GABBR2: variants seen among roughly 807,000 people sequenced by gnomAD.
GABBR2 encodes G-protein coupled receptor 51.
Under a neutral mutation model 105.6 loss-of-function variants are expected in GABBR2, and 23 were observed. The observed-to-expected ratio is 0.22, with a 90% CI of 0.16 to 0.31. The LOEUF (loss-of-function observed/expected upper bound fraction) is 0.31. Ranked by LOEUF, GABBR2 falls within the 10% of genes least tolerant of loss-of-function variation. The pLI is 1.00. For synonymous variants in GABBR2, 478 were observed against 499.7 expected (o/e 0.96, Z 0.58); for missense variants, 734 against 1,245.5 (o/e 0.59, Z 6.18).
At chr9:98,484,372 G>A (rs2131648005) in intron 4 of GABBR2, among the ~76,000 whole-genome samples, 1 of 152,314 alleles carries the variant, frequency 6.6e-6, no homozygotes, top group South Asian at 2.1e-4. Flanking sequence ...GAAAGCCAGA[G>A]CTCTCACTTT....
At chr9:98,442,709 G>A (rs1826053892) in intron 7 of GABBR2, among the ~76,000 whole-genome samples, 1 of 152,180 alleles carries the variant, frequency 6.6e-6, no homozygotes, top group Non-Finnish European at 1.5e-5. Context: ...GAGGCTAGAA[G>A]TCTGAGATCA....
Position 98,388,923 on chromosome 9 carries a change from G to A in GABBR2, c.1460C>T (p.Ala487Val). The A allele has an allele frequency of 1.9e-6, 3 of 1,613,592 alleles. No homozygotes were observed. Among genetic ancestry groups the A allele is most frequent in the Non-Finnish European group, 2.5e-6 (3 of 1,179,536 alleles). The change falls in exon 10 of 19, where the codon GCC (alanine) becomes GTC (valine). Residue 487 changes from alanine (A) to valine (V), a missense_variant. Ala to Val is a moderately conservative substitution (Grantham distance 64, BLOSUM62 0). This residue lies in a region of GABBR2 where 370 missense variants were observed against 648.9 expected (regional missense o/e 0.57). Transcript: ENST00000259455. This position sits in a 1 kb window ranked among gnomAD's most constrained non-coding sequence, Gnocchi z 4.4. ...CATGATCATCCCGAGGATGGTGAGG[G>A]CAGAGAGGATGCTGTAGAGAGGTAG... ...ISLPLYSILS[A>V]LTILGMIMAS...
chr9:98,454,897 T>G lies in GABBR2; in HGVS notation c.1000-680A>C, dbSNP rs1376021193. Among the ~76,000 whole-genome samples the G allele has an allele frequency of 1.3e-5, 2 of 152,068 alleles. No homozygotes were observed. Among genetic ancestry groups the G allele is most frequent in the Non-Finnish European group, 2.9e-5 (2 of 68,014 alleles). On this transcript the variant is annotated intron_variant, in intron 6 of 18. Coordinates refer to ENST00000259455, the MANE Select transcript of GABBR2 (RefSeq NM_005458.8). The surrounding 1 kb of genome is among the most constrained non-coding windows in gnomAD (Gnocchi z 4.6). ...ACCCTCAAGAACTGGGGCAAGAGGC[T>G]CCCTAGACCCTGGAAGTGGCTCCAG...
intron 3 of GABBR2, among the ~76,000 whole-genome samples, chr9:98,512,405 CA>C (rs1420849022): frequency 6.6e-6 from 1 of 151,270 alleles, no homozygotes; most frequent in Non-Finnish European, 1.5e-5. Context: ...AAGTGCTGGC[CA>C]GGGCAATTAG....
At chr9:98,319,466 C>G (rs1371998881) in intron 13 of GABBR2, among the ~76,000 whole-genome samples, 1 of 118,694 alleles carries the variant, frequency 8.4e-6, no homozygotes, top group Non-Finnish European at 1.9e-5. Context: ...TTTTTTTTTT[C>G]CAGAATCAGA....
At chr9:98,706,274 C>T (rs1406662270) in intron 1 of GABBR2, among the ~76,000 whole-genome samples, 1 of 152,094 alleles carries the variant, frequency 6.6e-6, no homozygotes, top group African/African-American at 2.4e-5. Flanking sequence ...GCAGAGTACA[C>T]ATAATATTCC....
chr9:98,605,239 C>A (rs1564128496), intron 1 of GABBR2, among the ~76,000 whole-genome samples: 1 of 152,238 alleles, frequency 6.6e-6, no homozygotes, highest in Non-Finnish European at 1.5e-5. Flanking sequence ...ACCTGCCCTG[C>A]CAGTCTCAGG....
At position 98,548,501 on chromosome 9, in the gene GABBR2, G is replaced by A. The variant is rs1399701171; in HGVS notation, c.460-6458C>T. ...GTGGGAAGTCTCTGCTTCCCAGAAT[G>A]CAATTCACATCTAGTGTGCTCCCCT... On this transcript the variant is annotated intron_variant, in intron 2 of 18. Transcript: ENST00000259455. 6.1e-5 allele frequency among the ~76,000 whole-genome samples: 7 copies of A among 115,524 alleles called. 2 individuals are homozygous for A. Among genetic ancestry groups the A allele is most frequent in the South Asian group, 6.0e-4 (2 of 3,316 alleles). 75.8% of individuals were successfully genotyped at this position (115,524 alleles called of 152,430 possible).
At chr9:98,563,869 C>T (rs1406530106) in intron 2 of GABBR2, among the ~76,000 whole-genome samples, 2 of 152,132 alleles carry the variant, frequency 1.3e-5, no homozygotes, top group African/African-American at 4.8e-5. Flanking sequence ...TAATTCACAA[C>T]TAATGTAGAC....
chr9:98,304,188 A>G (rs1830513710), intron 15 of GABBR2: 1 of 152,460 alleles, frequency 6.6e-6, no homozygotes, highest in African/African-American at 2.4e-5. Context: ...GGGACAGCCT[A>G]CCACAGTGCC....
intron 9 of GABBR2, among the ~76,000 whole-genome samples, chr9:98,390,233 G>A (rs1832154930): frequency 6.6e-6 from 1 of 151,914 alleles, no homozygotes; most frequent in African/African-American, 2.4e-5. Flanking sequence ...AAATAGCTGG[G>A]TGTGCTGGTG....
intron 1 of GABBR2, among the ~76,000 whole-genome samples, chr9:98,637,212 G>A (rs1343292821): frequency 2.0e-5 from 3 of 152,090 alleles, no homozygotes; most frequent in Non-Finnish European, 4.4e-5. Context: ...TGCCTGGTAC[G>A]AAAGTCTACA....
intron 1 of GABBR2, among the ~76,000 whole-genome samples, chr9:98,703,812 T>TAAAATA (rs386415607): frequency 6.8e-6 from 1 of 146,138 alleles, no homozygotes; most frequent in Admixed American, 6.9e-5. Flanking sequence ...TATTTTTAAA[T>TAAAATA]AAAAATAAAT....
At chr9:98,527,097 AAT>A (rs149919214) in intron 3 of GABBR2, among the ~76,000 whole-genome samples, 12 of 147,438 alleles carry the variant, frequency 8.1e-5, no homozygotes, top group African/African-American at 2.0e-4. Flanking sequence ...ATATAATAAT[AAT>A]ATATATATTA....
At chr9:98,691,320 T>A (rs1326483343) in intron 1 of GABBR2, among the ~76,000 whole-genome samples, 6 of 152,158 alleles carry the variant, frequency 3.9e-5, no homozygotes, top group Non-Finnish European at 8.8e-5. Context: ...ATCTCCCTGT[T>A]GCACAGGGGG....
At chr9:98,405,147 A>AATG (rs766520304) in intron 8 of GABBR2, among the ~76,000 whole-genome samples, 1 of 152,144 alleles carries the variant, frequency 6.6e-6, no homozygotes, top group Non-Finnish European at 1.5e-5. Flanking sequence ...GGTGAGTCAA[A>AATG]ATGAAAGAAG....
chr9:98,324,164 C>T (rs1830876822), intron 13 of GABBR2, among the ~76,000 whole-genome samples: 1 of 152,146 alleles, frequency 6.6e-6, no homozygotes, highest in Non-Finnish European at 1.5e-5. Flanking sequence ...CATGCTCCTC[C>T]CTGGGACTCT....
At chr9:98,671,777 T>C (rs1830410392) in intron 1 of GABBR2, among the ~76,000 whole-genome samples, 1 of 152,186 alleles carries the variant, frequency 6.6e-6, no homozygotes, top group Non-Finnish European at 1.5e-5. Flanking sequence ...AATCAGACTT[T>C]TGAACAGTTC....
chr9:98,690,388 C>T (rs1830669257), intron 1 of GABBR2, among the ~76,000 whole-genome samples: 1 of 152,184 alleles, frequency 6.6e-6, no homozygotes, highest in South Asian at 2.1e-4. Context: ...TGCTAAACAC[C>T]TAAAACTGAT....
Sources: allele counts gnomAD v4.1 joint callset (sites outside exome capture counted in the v4.1 genomes callset), GRCh38; gene constraint gnomAD v4.1.1; regional missense constraint gnomAD v4.1.1; non-coding constraint Gnocchi (gnomAD v3.1); transcripts MANE v1.5; gene names NCBI Gene and HGNC (gene_info 2026-07-23, HGNC 2026-07-21).